The following ITPKB variants were observed in gnomAD, a reference collection of about 807,000 sequenced individuals.
ITPKB encodes IP3 3-kinase B.
A neutral mutation model predicts 69.4 loss-of-function variants in ITPKB; 13 were observed. That is an observed-to-expected ratio of 0.19 (90% CI 0.12 to 0.30). The LOEUF (loss-of-function observed/expected upper bound fraction) is 0.30. ITPKB is among the 10% of genes least tolerant of loss of function. ITPKB has a pLI of 1.00. For missense variants in ITPKB, 1,240 were observed against 1,250.5 expected, an observed-to-expected ratio of 0.99 and a Z score of 0.13; for synonymous variants, 584 against 513.7, an observed-to-expected ratio of 1.14 and a Z score of -1.85.
In ITPKB at chr1:226,739,186, A is replaced by G. The variant is rs1412346224; in HGVS notation, c.-351T>C. On this transcript the variant is annotated 5_prime_UTR_variant, in exon 1 of 8. Coordinates refer to ENST00000429204, the MANE Select transcript of ITPKB (RefSeq NM_002221.4). ...AAGACAAAAAAGAGGAGTGCGAAAG[A>G]GGGGGGAAAGCTCTTCGGTTCAGGG... 6.6e-6 allele frequency: 1 copy of G among 152,154 alleles called. No homozygotes were observed. Among genetic ancestry groups the G allele is most frequent in the Non-Finnish European group, 1.5e-5 (1 of 68,032 alleles). The allele number at this position is 152,154 out of a possible 1,614,324, so 9.4% of individuals were successfully genotyped here.
intron 2 of ITPKB, among the ~76,000 whole-genome samples, chr1:226,715,536 T>C (rs1032626570): frequency 6.6e-6 from 1 of 152,244 alleles, no homozygotes; most frequent in Non-Finnish European, 1.5e-5. Context: ...ATAACAATGA[T>C]GCCATCTGGA....
At position 226,712,494 on chromosome 1, in the gene ITPKB, A is replaced by G. The variant is rs889563712; in HGVS notation, c.1932+23033T>C. ...TTACTCAAATTCCCAGAGCCTGGGC[A>G]CTTGCAAACACTTCCTACATAGCTG... On this transcript the variant is annotated intron_variant, in intron 2 of 7. Transcript: ENST00000429204. Among the ~76,000 whole-genome samples, 7 of 152,226 alleles carry G rather than the reference A, an allele frequency of 4.6e-5. No homozygotes were observed. The East Asian group carries it at 7.7e-4, about 17-fold the overall frequency.
chr1:226,716,076 G>A (rs1657088206), intron 2 of ITPKB, among the ~76,000 whole-genome samples: 1 of 152,240 alleles, frequency 6.6e-6, no homozygotes, highest in Non-Finnish European at 1.5e-5. Flanking sequence ...CTCCCAAAGT[G>A]CTGGCACTAC....
chr1:226,726,531 C>T (rs1386564105), intron 2 of ITPKB, among the ~76,000 whole-genome samples: 1 of 152,020 alleles, frequency 6.6e-6, no homozygotes, highest in African/African-American at 2.4e-5. Flanking sequence ...AAAAAATAAG[C>T]CAGGCATGAT....
intron 2 of ITPKB, among the ~76,000 whole-genome samples, chr1:226,651,634 GAC>G (rs1191129136): frequency 5.3e-5 from 8 of 152,292 alleles, no homozygotes; most frequent in Middle Eastern, 3.4e-3. Context: ...AGACCCACAA[GAC>G]ACAGTGAGCA....
rs762237211 is a variant in ITPKB, at chr1:226,647,172, T to G, written c.2241A>C (p.Gly747=). The part of the protein sequence containing the change: ...DSPCVMDCKM[G]IRTYLEEELT... ...CTGCGAGAAGCCTGGCTCACCTGAT[T>G]CCCATCTTGCAGTCCATCACACAGG... Residue 747 remains glycine, a synonymous_variant, in exon 4 of 8, where the codon GGA becomes GGC. Transcript: ENST00000429204. 2 of 1,613,970 alleles carry G rather than the reference T, an allele frequency of 1.2e-6. No individual in the cohort carries two copies. Among genetic ancestry groups the G allele is most frequent in the Non-Finnish European group, 1.7e-6 (2 of 1,179,958 alleles).
intron 2 of ITPKB, among the ~76,000 whole-genome samples, chr1:226,701,371 G>A (rs190725671): frequency 1.2e-3 from 178 of 152,110 alleles, no homozygotes; most frequent in African/African-American, 4.2e-3. Context: ...TTGGGAGGCC[G>A]AGGCAGGCGG....
intron 2 of ITPKB, among the ~76,000 whole-genome samples, chr1:226,709,974 T>G (rs1440754746): frequency 6.6e-6 from 1 of 152,102 alleles, no homozygotes; most frequent in African/African-American, 2.4e-5. Context: ...GGGCCAGCAC[T>G]AGCTCATAAC....
intron 2 of ITPKB, among the ~76,000 whole-genome samples, chr1:226,727,655 A>C (rs905566541): frequency 3.3e-5 from 5 of 152,206 alleles, no homozygotes; most frequent in African/African-American, 1.2e-4. Flanking sequence ...AGAACCCTTT[A>C]GAAGGGCCAA....
chr1:226,664,890 T>A (rs1321863379), intron 2 of ITPKB, among the ~76,000 whole-genome samples: 1 of 152,160 alleles, frequency 6.6e-6, no homozygotes, highest in Non-Finnish European at 1.5e-5. Flanking sequence ...GACCAGAAGC[T>A]CCTAGAACTG....
rs1442294607 is a variant in ITPKB, at chr1:226,631,985, T to C, written c.*2686A>G. 2 of 152,510 alleles carry C rather than the reference T, an allele frequency of 1.3e-5. No individual in the cohort carries two copies. The highest frequency in any genetic ancestry group is 1.3e-4 in the Admixed American group (2 of 15,276). 9.4% of individuals were successfully genotyped at this position (152,510 alleles called of 1,614,324 possible). A position where few individuals can be genotyped will look rare whatever the true frequency, so the allele number is the denominator to read the frequency against. On this transcript the variant is annotated 3_prime_UTR_variant, in exon 8 of 8. Coordinates refer to ENST00000429204, the MANE Select transcript of ITPKB (RefSeq NM_002221.4). ...CATCTTACAGGGCCAGGGCTGCTTCTGGGCTCTTTCTACCAAGTGGGAAAG... is the reference window on the plus strand; with the variant it reads ...CATCTTACAGGGCCAGGGCTGCTTCCGGGCTCTTTCTACCAAGTGGGAAAG...
intron 2 of ITPKB, among the ~76,000 whole-genome samples, chr1:226,693,961 T>C (rs1656418969): frequency 6.6e-6 from 1 of 152,218 alleles, no homozygotes; most frequent in South Asian, 2.1e-4. Flanking sequence ...ACAGAACCAT[T>C]GCTAATAACC....
intron 4 of ITPKB, among the ~76,000 whole-genome samples, chr1:226,645,042 C>G (rs1446539670): frequency 1.3e-5 from 2 of 152,258 alleles, no homozygotes; most frequent in Non-Finnish European, 2.9e-5. Flanking sequence ...CTGCACCAAG[C>G]TGCTGCCTGG....
intron 2 of ITPKB, chr1:226,707,929 A>G (rs1571867783): frequency 7.5e-7 from 1 of 1,330,326 alleles, no homozygotes; most frequent in Non-Finnish European, 9.9e-7. Flanking sequence ...AAGGGAGAAG[A>G]AAAGAGGTCA....
chr1:226,723,468 G>A (rs1357191887), intron 2 of ITPKB, among the ~76,000 whole-genome samples: 1 of 152,158 alleles, frequency 6.6e-6, no homozygotes, highest in Non-Finnish European at 1.5e-5. Flanking sequence ...ATGCGGCACA[G>A]AGAAGAGACG....
At chr1:226,645,641 G>T (rs1383404061) in intron 4 of ITPKB, among the ~76,000 whole-genome samples, 1 of 152,184 alleles carries the variant, frequency 6.6e-6, no homozygotes. Flanking sequence ...GTCTGGGTTG[G>T]AAGGAAGGGC....
rs1288931 is a variant in ITPKB at position 226,634,924 on chromosome 1, C to T, written c.2626-38G>A. 2,771 of 1,538,798 alleles carry T rather than the reference C, an allele frequency of 1.8e-3. 36 individuals carry two copies. The African/African-American group carries it at 0.03, about 17-fold the overall frequency. ...TGGGGGTGAAGGGTGAGCTGAAGCC[C>T]GGGCCTCGCCCTCCCCACTGCGGCC... On this transcript the variant is annotated intron_variant, in intron 7 of 7. Transcript: ENST00000429204. This position sits in a 1 kb window ranked among gnomAD's most constrained non-coding sequence, Gnocchi z 6.3.
Position 226,649,845 on chromosome 1 carries a change from C to CAA in ITPKB, c.1933-1076_1933-1075dup, listed in dbSNP as rs5781445. Among the ~76,000 whole-genome samples, 292 of 150,322 alleles carry CAA rather than the reference C, an allele frequency of 1.9e-3. 4 individuals are homozygous for CAA. The highest frequency in any genetic ancestry group is 3.5e-3 in the Admixed American group (53 of 15,190). ...CCCAGCAAAAACAAACAAAACAAAACAAAAAAACAAAAAAAAAACATATTT... is the reference window on the plus strand; with the variant it reads ...CCCAGCAAAAACAAACAAAACAAAACAAAAAAAAACAAAAAAAAAACATATTT... On this transcript the variant is annotated intron_variant, in intron 2 of 7. Transcript: ENST00000429204.
chr1:226,735,529 C>G lies in ITPKB; in HGVS notation c.1930G>C (p.Val644Leu). The change falls in exon 2 of 8, where the codon GTG becomes CTG. Residue 644 changes from valine (V) to leucine (L), a missense_variant and splice_region_variant. Physicochemically the swap from Val to Leu is conservative, Grantham distance 32. Coordinates refer to ENST00000429204, the MANE Select transcript of ITPKB (RefSeq NM_002221.4). ...GCAAATCTCAGAGCAAGACTTACCA[C>G]TCTAGGTTTCTGCTGGTCCAGGGTA... is the stretch of plus-strand genomic sequence containing the variant. ...LHTLDQQKPR[V>L]SKSWRKIKNM... The G allele has an allele frequency of 6.6e-7, 1 of 1,511,930 alleles. No homozygotes were observed. The highest frequency in any genetic ancestry group is 8.9e-7 in the Non-Finnish European group (1 of 1,128,776). 93.7% of individuals were successfully genotyped at this position (1,511,930 alleles called of 1,614,324 possible). A position where few individuals can be genotyped will look rare whatever the true frequency, so the allele number is the denominator to read the frequency against.
Sources: gnomAD v4.1 joint callset for allele counts (sites outside exome capture counted in the v4.1 genomes callset) on GRCh38, gnomAD v4.1.1 for gene constraint, Gnocchi (gnomAD v3.1) non-coding constraint, MANE v1.5 for transcripts, NCBI Gene and HGNC (gene_info 2026-07-23, HGNC 2026-07-21) for gene names.